Variants in FA2H observed in about 807,000 individuals in gnomAD.
FA2H encodes fatty acid 2-hydroxylase.
Under a neutral mutation model 44.9 loss-of-function variants are expected in FA2H, and 22 were observed. The ratio of observed to expected loss-of-function variants is 0.49; its 90% CI spans 0.35 to 0.70. FA2H has a LOEUF of 0.70. Ranked by LOEUF, FA2H falls within the 30% of genes least tolerant of loss-of-function variation. The pLI, the probability that FA2H is intolerant of heterozygous loss-of-function variation, is 0.01. For synonymous variants in FA2H, 243 were observed against 213.2 expected, an observed-to-expected ratio of 1.14 and a Z score of -1.22; for missense variants, 501 against 504.9, an observed-to-expected ratio of 0.99 and a Z score of 0.07.
intron 1 of FA2H, among the ~76,000 whole-genome samples, chr16:74,753,599 G>C (rs555953824): frequency 6.6e-6 from 1 of 152,288 alleles, no homozygotes; most frequent in Non-Finnish European, 1.5e-5. Flanking sequence ...CTTGAACCCA[G>C]GAGTTGGAGG....
intron 1 of FA2H, among the ~76,000 whole-genome samples, chr16:74,746,043 G>A (rs1373921202): frequency 6.6e-6 from 1 of 152,028 alleles, no homozygotes; most frequent in African/African-American, 2.4e-5. Context: ...GTGAACTCAG[G>A]CAATCTGCCC....
At chr16:74,734,645 G>A (rs928543459) in intron 2 of FA2H, among the ~76,000 whole-genome samples, 1 of 152,216 alleles carries the variant, frequency 6.6e-6, no homozygotes, top group African/African-American at 2.4e-5. Context: ...GGAAGGGCAT[G>A]GTGCCCCGGT....
At chr16:74,747,702 C>G (rs1429375213) in intron 1 of FA2H, among the ~76,000 whole-genome samples, 1 of 151,952 alleles carries the variant, frequency 6.6e-6, no homozygotes, top group Non-Finnish European at 1.5e-5. Flanking sequence ...CCCAGCAGCT[C>G]AGGGGAGGGC....
chr16:74,730,542 AAC>A (rs147325862), intron 2 of FA2H, among the ~76,000 whole-genome samples: 3 of 150,870 alleles, frequency 2.0e-5, no homozygotes, highest in South Asian at 2.1e-4. Context: ...TAGGTCTGTA[AAC>A]ACACACACAC....
In FA2H at chr16:74,774,786, C is replaced by G. The variant is rs1020127363; in HGVS notation, c.-31G>C. On this transcript the variant is annotated 5_prime_UTR_variant, in exon 1 of 7. Coordinates refer to ENST00000219368, the MANE Select transcript of FA2H (RefSeq NM_024306.5). ...GAGACCGCAGCTCCCAGCGCGCAGC[C>G]CGGCGTCTGCTCTGCTGCCACCCTG... 1.6e-6 allele frequency: 2 copies of G among 1,276,632 alleles called. No homozygotes were observed. The highest frequency in any genetic ancestry group is 9.8e-7 in the Non-Finnish European group (1 of 1,017,666). 79.1% of individuals were successfully genotyped at this position (1,276,632 alleles called of 1,614,324 possible).
At chr16:74,716,256 A>G (rs963870542) in intron 6 of FA2H, 91 bp downstream of exon 6, 2 of 1,450,692 alleles carry the variant, frequency 1.4e-6, no homozygotes, top group African/African-American at 2.8e-5. Flanking sequence ...TACATGGAAC[A>G]GTGCCTTGCC....
intron 2 of FA2H, among the ~76,000 whole-genome samples, chr16:74,734,353 T>C (rs989981283): frequency 3.3e-5 from 5 of 152,212 alleles, no homozygotes; most frequent in African/African-American, 1.2e-4. Context: ...GACAGCACGG[T>C]TATGCCCGAA....
chr16:74,747,947 C>A (rs1305963802), intron 1 of FA2H, among the ~76,000 whole-genome samples: 1 of 152,102 alleles, frequency 6.6e-6, no homozygotes, highest in African/African-American at 2.4e-5. Flanking sequence ...GAAGAGGGGA[C>A]AACCGAGGGA....
chr16:74,759,764 T>C (rs539501951), intron 1 of FA2H, among the ~76,000 whole-genome samples: 1 of 152,304 alleles, frequency 6.6e-6, no homozygotes, highest in East Asian at 1.9e-4. Flanking sequence ...TGTCTGGCAG[T>C]GCAGCCAGGG....
At chr16:74,733,413 T>C (rs1402468001) in intron 2 of FA2H, among the ~76,000 whole-genome samples, 2 of 152,004 alleles carry the variant, frequency 1.3e-5, no homozygotes, top group African/African-American at 2.4e-5. Context: ...TGAGATAGGA[T>C]TGGTTGGGCC....
Position 74,741,808 on chromosome 16 carries a change from ATG to A in FA2H, c.271-1695_271-1694del, listed in dbSNP as rs1208446986. 6.9e-3 allele frequency among the ~76,000 whole-genome samples: 333 copies of A among 48,330 alleles called. 5 individuals carry two copies. Among genetic ancestry groups the A allele is most frequent in the African/African-American group, 0.016 (143 of 9,216 alleles). The allele number at this position is 48,330 out of a possible 152,430, so 31.7% of individuals were successfully genotyped here. On this transcript the variant is annotated intron_variant, in intron 1 of 6. Coordinates refer to ENST00000219368, the MANE Select transcript of FA2H (RefSeq NM_024306.5). ...TATATATATATATATATATATATAT[ATG>A]TGTGTGTGTGTGTGTGTGTGTGTGT...
intron 1 of FA2H, among the ~76,000 whole-genome samples, chr16:74,773,298 G>A (rs1361768584): frequency 6.6e-6 from 1 of 152,086 alleles, no homozygotes; most frequent in East Asian, 1.9e-4. Context: ...TTCTATTATT[G>A]TTGTTGTTAA....
At chr16:74,725,154 G>C (rs1180476319) in intron 4 of FA2H, among the ~76,000 whole-genome samples, 1 of 152,218 alleles carries the variant, frequency 6.6e-6, no homozygotes, top group Non-Finnish European at 1.5e-5. Flanking sequence ...GGAGCTCTGG[G>C]CTGGATTTGG....
rs757812676 is a variant in FA2H at position 74,716,528 on chromosome 16, C to T, written c.858G>A (p.Leu286=). 3.7e-6 allele frequency: 6 copies of T among 1,612,348 alleles called. No individual in the cohort carries two copies. The highest frequency in any genetic ancestry group is 5.1e-6 in the Non-Finnish European group (6 of 1,179,362). ...PASLVIGVFY[L]CMQLILPEAV... is the part of the protein sequence containing the mutation. ...CCTCGGGCAGGATGAGCTGCATGCA[C>T]AAGTAGAAGACGCCGATCACCAGGG... The change falls in exon 6 of 7, where the codon TTG becomes TTA. Residue 286 remains leucine, a synonymous_variant. Coordinates refer to ENST00000219368, the MANE Select transcript of FA2H (RefSeq NM_024306.5).
At chr16:74,756,754 A>T (rs1962619514) in intron 1 of FA2H, among the ~76,000 whole-genome samples, 1 of 152,224 alleles carries the variant, frequency 6.6e-6, no homozygotes, top group Admixed American at 6.5e-5. Context: ...CAGTGGAAAA[A>T]GATAGATCAT....
At position 74,727,098 on chromosome 16, in the gene FA2H, C is replaced by A; in HGVS notation, c.506+146G>T. On this transcript the variant is annotated intron_variant, in intron 3 of 6. Coordinates refer to ENST00000219368, the MANE Select transcript of FA2H (RefSeq NM_024306.5). ...AAACCATGCATAGGGATGAATTATT[C>A]CCATGGCATGTTCCTCCCTCCCTGA... The A allele has an allele frequency of 2.6e-6, 3 of 1,141,294 alleles. No homozygotes were observed. In the South Asian group the frequency reaches 4.0e-5, roughly 15 times the overall value. The allele number at this position is 1,141,294 out of a possible 1,614,324, so 70.7% of individuals were successfully genotyped here.
At chr16:74,727,835 T>C (rs1398715500) in intron 2 of FA2H, among the ~76,000 whole-genome samples, 1 of 152,214 alleles carries the variant, frequency 6.6e-6, no homozygotes, top group Admixed American at 6.5e-5. Context: ...CAGGAGGTAA[T>C]ACATTTTGTA....
rs1370190336 is a variant in FA2H, at chr16:74,716,614, G to C, written c.787-15C>G. On this transcript the variant is annotated splice_polypyrimidine_tract_variant and intron_variant, in intron 5 of 6. Transcript: ENST00000219368. ...TCGAAGGGTGCCTGCAGATGGAGAGGCTTGGGCATCAGGAGGCAGCCAGGG... is the reference window on the plus strand; with the variant it reads ...TCGAAGGGTGCCTGCAGATGGAGAGCCTTGGGCATCAGGAGGCAGCCAGGG... The C allele has an allele frequency of 6.5e-7, 1 of 1,541,588 alleles. No homozygotes were observed. Among genetic ancestry groups the C allele is most frequent in the Non-Finnish European group, 8.7e-7 (1 of 1,145,146 alleles).
rs1597535921 is a variant in FA2H at position 74,714,028 on chromosome 16, T to G, written c.*162A>C. ...CTCCTACCAGGGGTCAGGAGGGCGG[T>G]CCTGCCTCAGGGCCCCCTCAGCACC... is the stretch of plus-strand genomic sequence containing the variant. On this transcript the variant is annotated 3_prime_UTR_variant, in exon 7 of 7. Coordinates refer to ENST00000219368, the MANE Select transcript of FA2H (RefSeq NM_024306.5). The G allele has an allele frequency of 3.3e-6, 2 of 599,610 alleles. No homozygotes were observed. The highest frequency in any genetic ancestry group is 2.0e-5 in the South Asian group (1 of 50,196). The allele number at this position is 599,610 out of a possible 1,614,324, so 37.1% of individuals were successfully genotyped here.
Sources: gnomAD v4.1 joint callset for allele counts (sites outside exome capture counted in the v4.1 genomes callset) on GRCh38, gnomAD v4.1.1 for gene constraint, MANE v1.5 for transcripts, NCBI Gene and HGNC (gene_info 2026-07-23, HGNC 2026-07-21) for gene names.